Variants in SACS observed in about 807,000 individuals in gnomAD.
The protein encoded by SACS is sacsin molecular chaperone.
A neutral mutation model predicts 348.0 loss-of-function variants in SACS; 197 were observed. That is an observed-to-expected ratio of 0.57 (90% confidence interval 0.50 to 0.64). The LOEUF is 0.64. SACS is among the 30% of genes least tolerant of loss of function. SACS has a pLI of 0.00. For synonymous variants in SACS, 1,985 were observed against 1,910.6 expected (o/e 1.04, Z -1.02); for missense variants, 4,999 against 5,360.8 (o/e 0.93, Z 2.11).
rs200591364 is a variant in SACS, at chr13:23,333,758, G to A, written c.10118C>T (p.Thr3373Ile). The change falls in exon 10 of 10, where the codon ACA becomes ATA. Residue 3373 changes from threonine to isoleucine, a missense_variant. Physicochemically the swap from Thr to Ile is moderately conservative, Grantham distance 89. Coordinates refer to ENST00000382292, the MANE Select transcript of SACS (RefSeq NM_014363.6). ...TTCTACTAATTTTTCTGCTCTAAAT[G>A]TTGAAGTTTGGACCATATAATGTAG... is the stretch of plus-strand genomic sequence containing the variant. ...KALHYMVQTS[T>I]FRAEKLVEND... 1.3e-5 allele frequency: 21 copies of A among 1,613,796 alleles called. No individual in the cohort carries two copies. The Admixed American group carries it at 2.7e-4, about 20-fold the overall frequency.
intron 2 of SACS, among the ~76,000 whole-genome samples, chr13:23,380,648 T>C (rs545058581): frequency 7.2e-4 from 110 of 152,334 alleles, no homozygotes; most frequent in African/African-American, 2.5e-3. Flanking sequence ...TAAAATCCTA[T>C]GAGGCATTAT....
intron 2 of SACS, among the ~76,000 whole-genome samples, chr13:23,378,441 G>T (rs1024258628): frequency 6.6e-6 from 1 of 151,928 alleles, no homozygotes; most frequent in Non-Finnish European, 1.5e-5. Flanking sequence ...CTCTTACGTC[G>T]ATCACCACCT....
chr13:23,364,587 ATAC>A (rs1870948690), intron 6 of SACS, among the ~76,000 whole-genome samples: 1 of 152,254 alleles, frequency 6.6e-6, no homozygotes, highest in South Asian at 2.1e-4. Flanking sequence ...AGCCAGAGGT[ATAC>A]TACAATTTAT....
At chr13:23,412,846 G>A (rs1873548817) in intron 1 of SACS, among the ~76,000 whole-genome samples, 1 of 152,136 alleles carries the variant, frequency 6.6e-6, no homozygotes, top group African/African-American at 2.4e-5. Context: ...AACTATTGGT[G>A]CCTGTAATAG....
Position 23,340,994 on chromosome 13 carries a change from C to G in SACS, c.2882G>C (p.Arg961Pro), listed in dbSNP as rs773755141. The G allele has an allele frequency of 2.5e-6, 4 of 1,614,022 alleles. No individual in the cohort carries two copies. In the East Asian group the frequency reaches 6.7e-5, roughly 27 times the overall value. ...ACTGTCTATTACTGAAATAGAAAGT[C>G]GCAGATCTGCTGGGAGTTTGGCAGT... is the stretch of plus-strand genomic sequence containing the variant. ...HHTAKLPADL[R>P]LSISVIDSSD... is the part of the protein sequence containing the mutation. Residue 961 changes from arginine (R) to proline (P), a missense_variant, in exon 10 of 10, where the codon CGA becomes CCA. Coordinates refer to ENST00000382292, the MANE Select transcript of SACS (RefSeq NM_014363.6).
At position 23,354,857 on chromosome 13, in the gene SACS, T is replaced by C. The variant is rs1287240338; in HGVS notation, c.1755A>G (p.Glu585=). 1.9e-6 allele frequency: 3 copies of C among 1,614,214 alleles called. No homozygotes were observed. The highest frequency in any genetic ancestry group is 2.7e-5 in the African/African-American group (2 of 75,060). The change falls in exon 8 of 10, where the codon GAA becomes GAG. Residue 585 remains glutamate, a synonymous_variant. Transcript: ENST00000382292. ...GGTAGTTGAGCACAGTTTTTGTGTA[T>C]TCTAAATTTTCATCAAGTTCTGAGA... The part of the protein sequence containing the change: ...VYFSELDENL[E]YTKTVLNYLQ...
At chr13:23,383,171 A>T (rs1368534060) in intron 2 of SACS, among the ~76,000 whole-genome samples, 1 of 152,146 alleles carries the variant, frequency 6.6e-6, no homozygotes, top group Non-Finnish European at 1.5e-5. Flanking sequence ...ATTGCAAGTA[A>T]TAAACGGTGG....
intron 2 of SACS, among the ~76,000 whole-genome samples, chr13:23,378,771 G>A (rs1871920725): frequency 6.6e-6 from 1 of 152,182 alleles, no homozygotes; most frequent in African/African-American, 2.4e-5. Context: ...AATATGGAAA[G>A]AGAGTGAGCT....
chr13:23,333,164 T>TTTATAAG lies in SACS; in HGVS notation c.10705_10711dup (p.Lys3571ThrfsTer37). 6.2e-7 allele frequency: 1 copy of TTTATAAG among 1,609,004 alleles called. No individual in the cohort carries two copies. The highest frequency in any genetic ancestry group is 1.7e-4 in the Middle Eastern group (1 of 6,026). On this transcript the variant is annotated frameshift_variant, in exon 10 of 10. Coordinates refer to ENST00000382292, the MANE Select transcript of SACS (RefSeq NM_014363.6). LOFTEE classifies it high-confidence loss of function. ...CATAAATGTAACATGATTTTTGGGTTTTATAAGTTGTTCCAATTTCTTAAA... is the reference window on the plus strand; with the variant it reads ...CATAAATGTAACATGATTTTTGGGTTTTATAAGTTATAAGTTGTTCCAATTTCTTAAA...
At position 23,358,404 on chromosome 13, in the gene SACS, T is replaced by C. The variant is rs747962075; in HGVS notation, c.535A>G (p.Arg179Gly). 112 of 1,614,210 alleles carry C rather than the reference T, an allele frequency of 6.9e-5. No individual in the cohort carries two copies. Among genetic ancestry groups the C allele is most frequent in the Non-Finnish European group, 9.2e-5 (109 of 1,180,002 alleles). The change falls in exon 7 of 10, where the codon AGG becomes GGG. Residue 179 changes from arginine (R) to glycine (G), a missense_variant. Physicochemically the swap from Arg to Gly is moderately radical, Grantham distance 125 (BLOSUM62 -2). This residue lies in a region of SACS where 3,156 missense variants were observed against 3,380.1 expected (regional missense o/e 0.93). Transcript: ENST00000382292. ...ACCTTCAGAGGATCATCCTTTTTCC[T>C]GCTTCTTGCTATTTCTTGAATGCCG... is the stretch of plus-strand genomic sequence containing the variant. The part of the protein sequence containing the change: ...WHGIQEIARS[R>G]KKDDPLKVGR...
chr13:23,356,057 T>C, intron 7 of SACS, 50 bp from the exon 8 acceptor site: 3 of 1,430,130 alleles, frequency 2.1e-6, no homozygotes, highest in Non-Finnish European at 2.9e-6. Context: ...TTAGGGACAA[T>C]TATGATTACA....
intron 2 of SACS, among the ~76,000 whole-genome samples, chr13:23,403,012 T>C (rs1873048996): frequency 2.0e-5 from 3 of 151,730 alleles, no homozygotes; most frequent in Admixed American, 1.3e-4. Flanking sequence ...CTGTCTCTAC[T>C]AAAAATACAA....
At chr13:23,413,150 T>C (rs894956010) in intron 1 of SACS, among the ~76,000 whole-genome samples, 1 of 152,168 alleles carries the variant, frequency 6.6e-6, no homozygotes, top group Non-Finnish European at 1.5e-5. Flanking sequence ...GCTAATTTTG[T>C]ATTTCTAGTA....
chr13:23,431,565 A>G (rs977955991), intron 1 of SACS, among the ~76,000 whole-genome samples: 6 of 152,216 alleles, frequency 3.9e-5, no homozygotes, highest in African/African-American at 1.2e-4. Flanking sequence ...CTGACTTCCA[A>G]TTTGGCATCC....
At position 23,368,500 on chromosome 13, in the gene SACS, G is replaced by C; in HGVS notation, c.260-13C>G. On this transcript the variant is annotated splice_polypyrimidine_tract_variant and intron_variant, in intron 4 of 9. Transcript: ENST00000382292. ...TGACCAAATCGACCTAAAATACGGA[G>C]CACATTTTAAGTGAGTTAGAAAAAA... 6.2e-7 allele frequency: 1 copy of C among 1,601,200 alleles called. No individual in the cohort carries two copies. The highest frequency in any genetic ancestry group is 8.5e-7 in the Non-Finnish European group (1 of 1,170,164).
At chr13:23,377,681 C>T (rs763768756) in intron 2 of SACS, among the ~76,000 whole-genome samples, 7 of 152,174 alleles carry the variant, frequency 4.6e-5, no homozygotes, top group Non-Finnish European at 1.0e-4. Context: ...GGTACCCACT[C>T]CTCCTTCAGA....
chr13:23,334,770 G>C lies in SACS; in HGVS notation c.9106C>G (p.Gln3036Glu), dbSNP rs760685626. 2.5e-6 allele frequency: 4 copies of C among 1,613,648 alleles called. No homozygotes were observed. Among genetic ancestry groups the C allele is most frequent in the Non-Finnish European group, 3.4e-6 (4 of 1,179,700 alleles). Residue 3036 changes from glutamine (Q) to glutamate (E), a missense_variant, in exon 10 of 10, where the codon CAA becomes GAA. By Grantham distance (29) the Gln-to-Glu change is conservative. Coordinates refer to ENST00000382292, the MANE Select transcript of SACS (RefSeq NM_014363.6). The part of the protein sequence containing the change: ...FFDNLLQDEL[Q>E]HLKNADYNIT... ...TTATAATCTGCATTTTTAAGGTGTT[G>C]TAATTCATCCTGTAGTAAATTGTCA...
In SACS at chr13:23,340,776, A is replaced by G. The variant is rs1312893381; in HGVS notation, c.3100T>C (p.Leu1034=). The G allele has an allele frequency of 2.5e-6, 4 of 1,606,984 alleles. No homozygotes were observed. Among genetic ancestry groups the G allele is most frequent in the African/African-American group, 1.3e-5 (1 of 74,626 alleles). ...KNENPNVLEW[L]TPLKFIQISQ... is the part of the protein sequence containing the mutation. The stretch of plus-strand genomic sequence containing the variant: ...ATCTGGATGAATTTTAATGGTGTTA[A>G]CCACTCAAGCACATTTGGATTCTCA... Residue 1034 remains leucine (L), a synonymous_variant, in exon 10 of 10, where the codon TTA becomes CTA. Transcript: ENST00000382292.
At chr13:23,430,828 G>A (rs1311238344) in intron 1 of SACS, among the ~76,000 whole-genome samples, 2 of 152,192 alleles carry the variant, frequency 1.3e-5, no homozygotes, top group South Asian at 2.1e-4. Context: ...TTGTCTGGAT[G>A]TAAGGTTATT....
Sources: allele counts gnomAD v4.1 joint callset (sites outside exome capture counted in the v4.1 genomes callset), GRCh38; gene constraint gnomAD v4.1.1; regional missense constraint gnomAD v4.1.1; transcripts MANE v1.5; gene names NCBI Gene and HGNC (gene_info 2026-07-23, HGNC 2026-07-21).